C4orf50: variants seen among roughly 807,000 people sequenced by gnomAD.
C4orf50 encodes chromosome 4 open reading frame 50.
C4orf50 carries 80 observed loss-of-function variants against 77.2 expected under a neutral mutation model. The ratio of observed to expected loss-of-function variants is 1.04; its 90% CI spans 0.87 to 1.25. The LOEUF is 1.25. C4orf50 is among the 50% of genes most tolerant of loss of function. The pLI is 0.00. For missense variants in C4orf50, 1,257 were observed against 1,152.9 expected (o/e 1.09, Z -1.31); for synonymous variants, 532 against 465.3 (o/e 1.14, Z -1.84).
chr4:5,914,420 G>T (rs932349019), intron 7 of C4orf50, among the ~76,000 whole-genome samples: 1 of 151,900 alleles, frequency 6.6e-6, no homozygotes, highest in Non-Finnish European at 1.5e-5. Context: ...TGGCCAGGAT[G>T]GTCTCGATCT....
At chr4:5,989,181 A>C in exon 28 of C4orf50, 1 of 1,535,892 alleles carries the variant, frequency 6.5e-7, no homozygotes, top group Non-Finnish European at 8.7e-7. Flanking sequence ...ACACTCTTTC[A>C]TGGAACCTCT....
chr4:5,919,679 G>C lies in C4orf50; in HGVS notation c.*2475-21491C>G, dbSNP rs188452880. Among the ~76,000 whole-genome samples the C allele has an allele frequency of 6.6e-6, 1 of 152,272 alleles. No homozygotes were observed. Among genetic ancestry groups the C allele is most frequent in the Admixed American group, 6.5e-5 (1 of 15,306 alleles). On this transcript the variant is annotated intron_variant, in intron 7 of 7. Coordinates refer to the C4orf50 transcript ENST00000324058. This position sits in a 1 kb window ranked among gnomAD's most constrained non-coding sequence, Gnocchi z 6.5. ...AGACACTGAGTAGTCAGGCCTTTGCGAGGCTGGCTGCTGCAAATAAGAATT... is the reference window on the plus strand; with the variant it reads ...AGACACTGAGTAGTCAGGCCTTTGCCAGGCTGGCTGCTGCAAATAAGAATT...
intron 31 of C4orf50, among the ~76,000 whole-genome samples, chr4:5,969,210 G>A (rs891000249): frequency 5.9e-5 from 9 of 151,954 alleles, no homozygotes; most frequent in South Asian, 2.1e-4. Context: ...CTCTCCCCAC[G>A]AAAACTTTTA....
intron 33 of C4orf50, among the ~76,000 whole-genome samples, chr4:5,962,619 G>T (rs1015067153): frequency 3.9e-5 from 6 of 152,166 alleles, no homozygotes; most frequent in Non-Finnish European, 8.8e-5. Flanking sequence ...GCCACATAAT[G>T]ATCAGAGGGC....
In C4orf50 at chr4:6,000,033, G is replaced by C. The variant is rs572838449; in HGVS notation, c.964-5557C>G. ...ATGCCGTGGATAGGAGGTTGAACTT[G>C]ATCCTGAGGCCGTGGGCAGCCATGG... is the stretch of plus-strand genomic sequence containing the variant. On this transcript the variant is annotated intron_variant, in intron 25 of 33. Transcript: ENST00000531445. This position sits in a 1 kb window ranked among gnomAD's most constrained non-coding sequence, Gnocchi z 6.0. 2.0e-5 allele frequency among the ~76,000 whole-genome samples: 3 copies of C among 152,210 alleles called. No homozygotes were observed. The highest frequency in any genetic ancestry group is 7.2e-5 in the African/African-American group (3 of 41,534).
chr4:5,989,544 A>G, exon 28 of C4orf50: 3 of 1,536,018 alleles, frequency 2.0e-6, no homozygotes, highest in Non-Finnish European at 2.6e-6. Context: ...TCTCTCCCCT[A>G]CATGCAGAGG....
rs375290111 is a variant in C4orf50 at position 5,932,110 on chromosome 4, C to A, written c.*2474+24791G>T. 2.7e-5 allele frequency among the ~76,000 whole-genome samples: 4 copies of A among 147,066 alleles called. No individual in the cohort carries two copies. The highest frequency in any genetic ancestry group is 4.2e-4 in the East Asian group (2 of 4,788). The stretch of plus-strand genomic sequence containing the variant: ...CGTGCAATGTTTGGCCTCTTGCCCC[C>A]CTCTCAGCTGAGGAAGGCAGGTGTA... On this transcript the variant is annotated intron_variant, in intron 7 of 7. Coordinates refer to the C4orf50 transcript ENST00000324058. The surrounding 1 kb of genome is among the most constrained non-coding windows in gnomAD (Gnocchi z 4.2).
At chr4:5,941,067 G>T (rs1718239506) in intron 7 of C4orf50, among the ~76,000 whole-genome samples, 2 of 152,162 alleles carry the variant, frequency 1.3e-5, no homozygotes. Flanking sequence ...ATATAAAATG[G>T]TTGTGACTTT....
chr4:5,952,902 C>T (rs902246695), downstream of C4orf50, among the ~76,000 whole-genome samples: 1 of 152,142 alleles, frequency 6.6e-6, no homozygotes, highest in Non-Finnish European at 1.5e-5. The surrounding 1 kb of genome is among the most constrained non-coding windows in gnomAD (Gnocchi z 4.4). Flanking sequence ...AATTCCCTAT[C>T]GTAAGTTTTG....
exon 28 of C4orf50, chr4:5,990,326 T>C (rs1721193421): frequency 3.3e-6 from 3 of 911,344 alleles, no homozygotes; most frequent in African/African-American, 1.7e-5. Flanking sequence ...TCACCAAGGT[T>C]TTTCCCCTTC....
At chr4:5,946,377 G>C (rs1045913284) in intron 7 of C4orf50, among the ~76,000 whole-genome samples, 3 of 152,230 alleles carry the variant, frequency 2.0e-5, no homozygotes, top group African/African-American at 7.2e-5. Context: ...GATAAAAGAT[G>C]TGTATAGAAA....
At position 6,017,316 on chromosome 4, in the gene C4orf50, C is replaced by T. The variant is rs1004854270; in HGVS notation, c.287+829G>A. Among the ~76,000 whole-genome samples the T allele has an allele frequency of 6.6e-6, 1 of 152,230 alleles. No individual in the cohort carries two copies. Among genetic ancestry groups the T allele is most frequent in the African/African-American group, 2.4e-5 (1 of 41,452 alleles). On this transcript the variant is annotated intron_variant, in intron 23 of 33. Coordinates refer to ENST00000531445, the Ensembl canonical transcript of C4orf50. The surrounding 1 kb of genome is among the most constrained non-coding windows in gnomAD (Gnocchi z 4.7). ...ACGATGTTACCAGGGCAGGGCAGAGCAGCCAGGCCACCCAGCGGGAGCTGG... is the reference window on the plus strand; with the variant it reads ...ACGATGTTACCAGGGCAGGGCAGAGTAGCCAGGCCACCCAGCGGGAGCTGG...
At chr4:5,976,455 CGGAAAAAA>C (rs1337522548) in intron 29 of C4orf50, among the ~76,000 whole-genome samples, 1 of 76,050 alleles carries the variant, frequency 1.3e-5, no homozygotes, top group Non-Finnish European at 2.4e-5. Context: ...GGCTCTGTCT[CGGAAAAAA>C]AAAAAAAAAA....
At chr4:5,969,371 G>A (rs908533486) in intron 31 of C4orf50, among the ~76,000 whole-genome samples, 2 of 151,198 alleles carry the variant, frequency 1.3e-5, no homozygotes, top group Non-Finnish European at 2.9e-5. Context: ...GAGTATGACC[G>A]CTCCTTTTTT....
rs1037090515 is a variant in C4orf50 at position 6,002,060 on chromosome 4, TGA to T, written c.963+5934_963+5935del. 1.9e-4 allele frequency among the ~76,000 whole-genome samples: 29 copies of T among 152,344 alleles called. 1 individual carries two copies. Among genetic ancestry groups the T allele is most frequent in the Admixed American group, 1.8e-3 (28 of 15,294 alleles). Reference sequence around the variant, plus strand: ...GTGCCTTCCCAAAAGAAATAGTACCTGAGAGTGTGGCCTTAGTTGAAAATAGT... The same window carrying T: ...GTGCCTTCCCAAAAGAAATAGTACCTGAGTGTGGCCTTAGTTGAAAATAGT... On this transcript the variant is annotated intron_variant, in intron 25 of 33. Coordinates refer to ENST00000531445, the Ensembl canonical transcript of C4orf50.
chr4:5,980,367 G>A lies in C4orf50; in HGVS notation c.3700-29C>T, dbSNP rs781735783. Reference sequence around the variant, plus strand: ...CGGAAATCACAGATTTGAATGAAATGTTTAGGTTATCCTTCAAGCAATTTG... The same window carrying A: ...CGGAAATCACAGATTTGAATGAAATATTTAGGTTATCCTTCAAGCAATTTG... On this transcript the variant is annotated intron_variant, in intron 28 of 33. Transcript: ENST00000531445. The A allele has an allele frequency of 4.7e-5, 76 of 1,600,604 alleles. 1 individual carries two copies. The Admixed American group carries it at 1.3e-3, about 27-fold the overall frequency.
chr4:5,912,059 A>C (rs1479380819), intron 7 of C4orf50, among the ~76,000 whole-genome samples: 1 of 119,356 alleles, frequency 8.4e-6, no homozygotes, highest in African/African-American at 3.4e-5. Flanking sequence ...AAACAAAAAA[A>C]CAAAAAACAA....
chr4:5,975,255 G>T (rs144675771), intron 30 of C4orf50, among the ~76,000 whole-genome samples: 1 of 151,266 alleles, frequency 6.6e-6, no homozygotes, highest in Non-Finnish European at 1.5e-5. Flanking sequence ...AGCACAGAGC[G>T]CAGGGGTGGT....
Position 5,992,965 on chromosome 4 carries a change from T to A in C4orf50, c.1094-35A>T, listed in dbSNP as rs1427916609. ...AACAAGACCCTGGGGGTTACAAAGA[T>A]GCTCCCAGGGGCTCTGCCATGATCG... On this transcript the variant is annotated intron_variant, in intron 26 of 33. Coordinates refer to ENST00000531445, the Ensembl canonical transcript of C4orf50. This position sits in a 1 kb window ranked among gnomAD's most constrained non-coding sequence, Gnocchi z 5.0. 1 of 398,538 alleles carries A rather than the reference T, an allele frequency of 2.5e-6. No homozygotes were observed. The highest frequency in any genetic ancestry group is 4.4e-6 in the Non-Finnish European group (1 of 225,952). 24.7% of individuals were successfully genotyped at this position (398,538 alleles called of 1,614,324 possible). A position where few individuals can be genotyped will look rare whatever the true frequency, so the allele number is the denominator to read the frequency against.
Sources: allele counts gnomAD v4.1 joint callset (sites outside exome capture counted in the v4.1 genomes callset), GRCh38; gene constraint gnomAD v4.1.1; non-coding constraint Gnocchi (gnomAD v3.1); transcripts MANE v1.5; gene names NCBI Gene and HGNC (gene_info 2026-07-23, HGNC 2026-07-21).